The following METTL24 variants were observed in gnomAD, a reference collection of about 807,000 sequenced individuals.
METTL24 encodes the protein methyltransferase like 24.
A neutral mutation model predicts 32.7 loss-of-function variants in METTL24; 29 were observed. That is an observed-to-expected ratio of 0.89 (90% CI 0.66 to 1.21). The LOEUF (loss-of-function observed/expected upper bound fraction) is 1.21. Ranked by LOEUF, METTL24 falls within the 50% of genes most tolerant of loss-of-function variation. The pLI is 0.00. For missense variants in METTL24, 439 were observed against 468.1 expected, an observed-to-expected ratio of 0.94 and a Z score of 0.57; for synonymous variants, 163 against 179.5, an observed-to-expected ratio of 0.91 and a Z score of 0.73.
chr6:110,322,920 G>A, intron 1 of METTL24, 48 bp from the exon 2 acceptor site: 2 of 1,480,148 alleles, frequency 1.4e-6, no homozygotes, highest in Non-Finnish European at 1.9e-6. Context: ...GAGGAACTGG[G>A]TGGGAGGAGA....
intron 4 of METTL24, among the ~76,000 whole-genome samples, chr6:110,251,228 A>C (rs2114690992): frequency 6.6e-6 from 1 of 152,368 alleles, no homozygotes; most frequent in Middle Eastern, 3.4e-3. Flanking sequence ...AATTGACCCT[A>C]GTAATTAAAA....
chr6:110,358,093 G>A lies in METTL24; in HGVS notation c.180C>T (p.Pro60=), dbSNP rs1042603798. ...TGGCGCCGCGCGGCTGGCCCGGCGCGGGCGGCAGGTGCGGCCCAGGTGGCC... is the reference window on the plus strand; with the variant it reads ...TGGCGCCGCGCGGCTGGCCCGGCGCAGGCGGCAGGTGCGGCCCAGGTGGCC... The part of the protein sequence containing the change: ...AWRPPGPHLP[P]APGQPRGASR... Residue 60 remains proline, a synonymous_variant, in exon 1 of 5, where the codon CCC becomes CCT. Transcript: ENST00000338882. 2.1e-4 allele frequency: 209 copies of A among 1,002,238 alleles called. No individual in the cohort carries two copies. The highest frequency in any genetic ancestry group is 1.9e-3 in the African/African-American group (108 of 57,276). 62.1% of individuals were successfully genotyped at this position (1,002,238 alleles called of 1,614,324 possible). A position where few individuals can be genotyped will look rare whatever the true frequency, so the allele number is the denominator to read the frequency against.
chr6:110,304,086 G>GA (rs373214169), intron 3 of METTL24, among the ~76,000 whole-genome samples: 391 of 152,004 alleles, frequency 2.6e-3, no homozygotes, highest in African/African-American at 8.6e-3. Flanking sequence ...CTGACTGTTA[G>GA]AAAAAAAACT....
rs1771887498 is a variant in METTL24, at chr6:110,319,382, A to G, written c.417+3392T>C. Among the ~76,000 whole-genome samples, 8 of 151,646 alleles carry G rather than the reference A, an allele frequency of 5.3e-5. No individual in the cohort carries two copies. In the South Asian group the frequency reaches 1.5e-3, roughly 28 times the overall value. On this transcript the variant is annotated intron_variant, in intron 2 of 4. Transcript: ENST00000338882. ...TTCTTATTCTTAGGTTATTCTTACA[A>G]ATTGATAGATGGGTAGATAACTAGG...
chr6:110,328,341 T>C (rs1772051584), intron 1 of METTL24, among the ~76,000 whole-genome samples: 1 of 152,238 alleles, frequency 6.6e-6, no homozygotes, highest in Non-Finnish European at 1.5e-5. Flanking sequence ...CTTCTTCTAA[T>C]GAGAGGCAAA....
intron 4 of METTL24, among the ~76,000 whole-genome samples, chr6:110,287,645 A>G (rs1771248377): frequency 6.6e-6 from 1 of 152,212 alleles, no homozygotes; most frequent in Admixed American, 6.5e-5. Context: ...CTGGACGTTC[A>G]AGGCTGCTGC....
At chr6:110,333,760 T>C (rs1772154862) in intron 1 of METTL24, among the ~76,000 whole-genome samples, 1 of 152,206 alleles carries the variant, frequency 6.6e-6, no homozygotes, top group Non-Finnish European at 1.5e-5. Flanking sequence ...TAACCTATGT[T>C]ACTTTGAATA....
In METTL24 at chr6:110,299,164, G is replaced by A. The variant is rs1167147132; in HGVS notation, c.558-14C>T. 2 of 1,608,236 alleles carry A rather than the reference G, an allele frequency of 1.2e-6. No homozygotes were observed. The highest frequency in any genetic ancestry group is 1.7e-6 in the Non-Finnish European group (2 of 1,176,836). On this transcript the variant is annotated splice_polypyrimidine_tract_variant and intron_variant, in intron 3 of 4. Transcript: ENST00000338882. ...TCACTTCCTAGCCTATAAAGAAAGA[G>A]GACGGAAATCAACAACAAAAAATGC...
At chr6:110,343,243 T>A (rs1772397409) in intron 1 of METTL24, among the ~76,000 whole-genome samples, 1 of 152,112 alleles carries the variant, frequency 6.6e-6, no homozygotes, top group Non-Finnish European at 1.5e-5. Context: ...CATGAAGCAA[T>A]ATATTGCTGC....
chr6:110,267,511 C>T (rs1039277913), intron 4 of METTL24, among the ~76,000 whole-genome samples: 2 of 152,264 alleles, frequency 1.3e-5, no homozygotes, highest in Admixed American at 6.5e-5. Flanking sequence ...CAGAAATAAT[C>T]GTTCATCAGC....
intron 4 of METTL24, among the ~76,000 whole-genome samples, chr6:110,264,079 A>G (rs1001437497): frequency 6.6e-6 from 1 of 151,896 alleles, no homozygotes; most frequent in African/African-American, 2.4e-5. Context: ...TTCATGTCTA[A>G]AACACCAAAA....
chr6:110,304,081 T>G lies in METTL24; in HGVS notation c.558-4931A>C, dbSNP rs1483503097. Among the ~76,000 whole-genome samples, 9 of 152,122 alleles carry G rather than the reference T, an allele frequency of 5.9e-5. No individual in the cohort carries two copies. In the East Asian group the frequency reaches 9.6e-4, roughly 16 times the overall value. ...TAGACCTGCAGAAGAGGGGCCTGACTGTTAGAAAAAAAACTAACAAACAGA... is the reference window on the plus strand; with the variant it reads ...TAGACCTGCAGAAGAGGGGCCTGACGGTTAGAAAAAAAACTAACAAACAGA... On this transcript the variant is annotated intron_variant, in intron 3 of 4. Transcript: ENST00000338882.
chr6:110,261,623 A>G (rs1166915180), intron 4 of METTL24, among the ~76,000 whole-genome samples: 1 of 152,206 alleles, frequency 6.6e-6, no homozygotes, highest in Non-Finnish European at 1.5e-5. Context: ...GACCTAATAG[A>G]CATCTACAGA....
At chr6:110,246,563 G>A (rs942085018) in intron 4 of METTL24, among the ~76,000 whole-genome samples, 2 of 152,208 alleles carry the variant, frequency 1.3e-5, no homozygotes, top group African/African-American at 4.8e-5. Context: ...GACTACAGGC[G>A]TGAGCCTGTT....
In METTL24 at chr6:110,270,986, C is replaced by T. The variant is rs9487332; in HGVS notation, c.787-24726G>A. ...CCGAGTAGCTTGGACTATATGCGTGCGCCACTATGCCTGGCTAATTATTTT... is the reference window on the plus strand; with the variant it reads ...CCGAGTAGCTTGGACTATATGCGTGTGCCACTATGCCTGGCTAATTATTTT... On this transcript the variant is annotated intron_variant, in intron 4 of 4. Coordinates refer to ENST00000338882, the MANE Select transcript of METTL24 (RefSeq NM_001123364.3). Among the ~76,000 whole-genome samples the T allele has an allele frequency of 5.4e-3, 819 of 151,546 alleles. 7 individuals carry two copies. Among genetic ancestry groups the T allele is most frequent in the African/African-American group, 0.018 (763 of 41,326 alleles).
intron 4 of METTL24, among the ~76,000 whole-genome samples, chr6:110,252,727 G>A (rs1778304742): frequency 6.6e-6 from 1 of 152,118 alleles, no homozygotes; most frequent in Non-Finnish European, 1.5e-5. Flanking sequence ...GAGTCACAGA[G>A]ACTGTAGTAG....
At chr6:110,258,607 T>C (rs1026127598) in intron 4 of METTL24, among the ~76,000 whole-genome samples, 14 of 152,074 alleles carry the variant, frequency 9.2e-5, no homozygotes, top group African/African-American at 3.1e-4. Context: ...GATGGTTAAA[T>C]GGACCTCACA....
chr6:110,274,463 A>T (rs1305962802), intron 4 of METTL24, among the ~76,000 whole-genome samples: 1 of 152,158 alleles, frequency 6.6e-6, no homozygotes, highest in Non-Finnish European at 1.5e-5. Context: ...AGCTATGAGG[A>T]TGCAAAGGCA....
At position 110,318,669 on chromosome 6, in the gene METTL24, AG is replaced by A. The variant is rs1385363100; in HGVS notation, c.418-3189del. Among the ~76,000 whole-genome samples, 289 of 141,190 alleles carry A rather than the reference AG, an allele frequency of 2.0e-3. 3 individuals carry two copies. The highest frequency in any genetic ancestry group is 3.2e-3 in the South Asian group (14 of 4,388). The allele number at this position is 141,190 out of a possible 152,430, so 92.6% of individuals were successfully genotyped here. On this transcript the variant is annotated intron_variant, in intron 2 of 4. Transcript: ENST00000338882. ...TCTACCTCAAAAAAAAAAAAAAAAA[AG>A]AAAGAAAGAAAGAAAAGAAAAGAAA...
Sources: allele counts gnomAD v4.1 joint callset (sites outside exome capture counted in the v4.1 genomes callset), GRCh38; gene constraint gnomAD v4.1.1; transcripts MANE v1.5; gene names NCBI Gene and HGNC (gene_info 2026-07-23, HGNC 2026-07-21).